The following GABRA3 variants were observed in gnomAD, a reference collection of about 807,000 sequenced individuals.
GABRA3 encodes gamma-aminobutyric acid receptor subunit alpha-3.
Under a neutral mutation model 30.1 loss-of-function variants are expected in GABRA3, and 10 were observed. The observed-to-expected ratio is 0.33, with a 90% confidence interval of 0.20 to 0.56. GABRA3 has a LOEUF of 0.56. Among genes scored for constraint, GABRA3 ranks in the 20% least tolerant of loss-of-function variants. The pLI is 0.89. For missense variants in GABRA3, 233 were observed against 392.0 expected, an observed-to-expected ratio of 0.59 and a Z score of 3.42; for synonymous variants, 151 against 146.8, an observed-to-expected ratio of 1.03 and a Z score of -0.21.
intron 3 of GABRA3, among the ~76,000 whole-genome samples, chrX:152,310,701 T>A (rs770331262): frequency 9.1e-6 from 1 of 109,295 alleles, no homozygotes; most frequent in South Asian, 3.9e-4. Flanking sequence ...AAAAAAACAA[T>A]AACCAAAATC....
At chrX:152,215,234 C>A (rs1389242885) in intron 6 of GABRA3, among the ~76,000 whole-genome samples, 1 of 108,993 alleles carries the variant, frequency 9.2e-6, no homozygotes, top group African/African-American at 3.3e-5. Context: ...CCTTGTTTCA[C>A]AGTTTCAGAT....
At chrX:152,332,464 T>G (rs1940177691) in intron 3 of GABRA3, among the ~76,000 whole-genome samples, 1 of 112,508 alleles carries the variant, frequency 8.9e-6, no homozygotes, top group Non-Finnish European at 1.9e-5. Flanking sequence ...GCACTTTCTT[T>G]CCCAGTACTT....
At chrX:152,404,587 G>T (rs912183968) in intron 1 of GABRA3, among the ~76,000 whole-genome samples, 6 of 110,152 alleles carry the variant, frequency 5.4e-5, no homozygotes, top group Non-Finnish European at 9.5e-5. Context: ...CAAGTGAGGG[G>T]CTCAAACTTT....
intron 1 of GABRA3, among the ~76,000 whole-genome samples, chrX:152,387,917 A>C (rs1929367417): frequency 9.0e-6 from 1 of 111,608 alleles, no homozygotes; most frequent in African/African-American, 3.3e-5. Flanking sequence ...CCATGCTTTG[A>C]CTCAGTAACT....
chrX:152,376,150 C>T (rs1413313581), intron 1 of GABRA3, among the ~76,000 whole-genome samples: 1 of 112,044 alleles, frequency 8.9e-6, no homozygotes, highest in Non-Finnish European at 1.9e-5. Context: ...CTGACAGATA[C>T]AGAAGTACAA....
intron 1 of GABRA3, among the ~76,000 whole-genome samples, chrX:152,446,267 C>A (rs1295787523): frequency 8.9e-6 from 1 of 111,803 alleles, no homozygotes; most frequent in Non-Finnish European, 1.9e-5. Flanking sequence ...GGTACATTTT[C>A]CTCTACATAT....
intron 5 of GABRA3, among the ~76,000 whole-genome samples, chrX:152,237,231 A>G (rs200161957): frequency 0.055 from 6,051 of 110,652 alleles, 407 homozygotes; most frequent in East Asian, 0.33. Context: ...CAGTTTTCCC[A>G]GCACCATTTA....
At chrX:152,168,903 C>T (rs950199534) in intron 9 of GABRA3, among the ~76,000 whole-genome samples, 4 of 112,029 alleles carry the variant, frequency 3.6e-5, no homozygotes, top group African/African-American at 9.7e-5. Flanking sequence ...AGCTAGAAAT[C>T]GCCAATAAAC....
chrX:152,327,464 T>C (rs193145051), intron 3 of GABRA3, among the ~76,000 whole-genome samples: 3 of 111,658 alleles, frequency 2.7e-5, no homozygotes, highest in East Asian at 2.8e-4. Flanking sequence ...AAGCACTCCT[T>C]AGCAAATGTA....
intron 5 of GABRA3, among the ~76,000 whole-genome samples, chrX:152,233,227 G>A: frequency 9.1e-6 from 1 of 109,311 alleles, no homozygotes; most frequent in East Asian, 3.0e-4. Context: ...CAGATGAGTA[G>A]GTTGCGAAAA....
intron 8 of GABRA3, among the ~76,000 whole-genome samples, 181 bp from the exon 9 acceptor site, chrX:152,190,122 C>T (rs1239658985): frequency 9.0e-6 from 1 of 111,220 alleles, no homozygotes; most frequent in Non-Finnish European, 1.9e-5. Flanking sequence ...ACCTAGTAAC[C>T]AGCCCATCCC....
chrX:152,407,978 T>A (rs903319577), intron 1 of GABRA3, among the ~76,000 whole-genome samples: 1 of 111,457 alleles, frequency 9.0e-6, no homozygotes, highest in African/African-American at 3.3e-5. Flanking sequence ...AACCATATGA[T>A]CATTTCAAAT....
At chrX:152,218,316 GA>G (rs1332803124) in intron 6 of GABRA3, among the ~76,000 whole-genome samples, 2 of 110,693 alleles carry the variant, frequency 1.8e-5, no homozygotes, top group Non-Finnish European at 3.8e-5. Flanking sequence ...TTCTGGGTAA[GA>G]AAATGTACTT....
At chrX:152,319,838 A>C (rs1336325441) in intron 3 of GABRA3, among the ~76,000 whole-genome samples, 1 of 111,415 alleles carries the variant, frequency 9.0e-6, no homozygotes, top group Non-Finnish European at 1.9e-5. Context: ...CTGACAAAGG[A>C]CTTATATCCA....
intron 1 of GABRA3, among the ~76,000 whole-genome samples, chrX:152,412,065 C>G (rs1465676267): frequency 1.8e-5 from 2 of 110,689 alleles, no homozygotes; most frequent in Admixed American, 9.6e-5. Context: ...CCAACAAGCA[C>G]ACGAAAAAAT....
At chrX:152,190,478 T>C (rs1937309504) in intron 8 of GABRA3, among the ~76,000 whole-genome samples, 1 of 111,515 alleles carries the variant, frequency 9.0e-6, no homozygotes, top group Admixed American at 9.6e-5. Flanking sequence ...TGAACTCCTT[T>C]TCTTGTTTAC....
intron 3 of GABRA3, among the ~76,000 whole-genome samples, chrX:152,287,035 CCTATATACCTA>C (rs1939309354): frequency 9.0e-6 from 1 of 111,272 alleles, no homozygotes; most frequent in African/African-American, 3.3e-5. Context: ...GAAGCAAATG[CCTATATACCTA>C]CTGTGTGACA....
chrX:152,336,838 G>A (rs1321137712), intron 3 of GABRA3, among the ~76,000 whole-genome samples: 1 of 111,237 alleles, frequency 9.0e-6, no homozygotes, highest in Non-Finnish European at 1.9e-5. Context: ...GGGGTCTCAA[G>A]TGGTCCCCCA....
At chrX:152,226,407 A>G (rs768014259) in intron 5 of GABRA3, among the ~76,000 whole-genome samples, 1 of 111,658 alleles carries the variant, frequency 9.0e-6, no homozygotes, top group Non-Finnish European at 1.9e-5. Flanking sequence ...ACTTAAACCT[A>G]AGACCTAAAA....
Sources: gnomAD v4.1 joint callset for allele counts (sites outside exome capture counted in the v4.1 genomes callset) on GRCh38, gnomAD v4.1.1 for gene constraint, MANE v1.5 for transcripts, NCBI Gene and HGNC (gene_info 2026-07-23, HGNC 2026-07-21) for gene names.